The following LEKR1 variants were observed in gnomAD, a reference collection of about 807,000 sequenced individuals.
LEKR1 encodes the protein leucine, glutamate and lysine rich 1, also known as protein LEKR1.
In LEKR1, 59 loss-of-function variants were observed where a neutral mutation model predicts 72.4. That is an observed-to-expected ratio of 0.82 (90% CI 0.66 to 1.01). The LOEUF (loss-of-function observed/expected upper bound fraction) is 1.01, where lower values mean the gene tolerates loss of function less well. Among genes scored for constraint, LEKR1 ranks in the 50% least tolerant of loss-of-function variants. The pLI, the probability that LEKR1 is intolerant of heterozygous loss-of-function variation, is 0.00. For missense variants in LEKR1, 728 were observed against 759.2 expected (o/e 0.96, Z 0.48); for synonymous variants, 257 against 263.2 (o/e 0.98, Z 0.23).
intron 3 of LEKR1, among the ~76,000 whole-genome samples, chr3:156,910,309 T>A (rs1041149270): frequency 5.9e-5 from 9 of 152,172 alleles, no homozygotes; most frequent in African/African-American, 2.2e-4. Flanking sequence ...TCTCTAGCAG[T>A]CTCCAGTGGC....
chr3:157,018,393 G>C (rs944989623), intron 10 of LEKR1, among the ~76,000 whole-genome samples: 3 of 152,136 alleles, frequency 2.0e-5, no homozygotes, highest in Admixed American at 6.5e-5. Flanking sequence ...AAGTGCACAT[G>C]AACATCTTAC....
intron 6 of LEKR1, among the ~76,000 whole-genome samples, chr3:156,954,210 G>A (rs1245935617): frequency 1.3e-5 from 2 of 151,798 alleles, no homozygotes; most frequent in Non-Finnish European, 2.9e-5. Context: ...TAATGGGGTT[G>A]TTTGTTTTTT....
chr3:156,927,078 A>G (rs1308342875), intron 4 of LEKR1, among the ~76,000 whole-genome samples: 2 of 151,960 alleles, frequency 1.3e-5, no homozygotes, highest in Non-Finnish European at 2.9e-5. Context: ...TAAGATTGTC[A>G]TTTAGGATCT....
chr3:156,841,832 G>A (rs1183130815), intron 2 of LEKR1, among the ~76,000 whole-genome samples: 1 of 152,150 alleles, frequency 6.6e-6, no homozygotes, highest in East Asian at 1.9e-4. Context: ...AGCTGCGTGT[G>A]TTATTCTATA....
At chr3:156,944,041 T>C (rs1214499187) in intron 6 of LEKR1, among the ~76,000 whole-genome samples, 1 of 151,660 alleles carries the variant, frequency 6.6e-6, no homozygotes, top group African/African-American at 2.4e-5. Flanking sequence ...AAATGCATAA[T>C]TTATCTATTG....
chr3:157,037,535 C>A (rs1735046878), intron 12 of LEKR1, among the ~76,000 whole-genome samples: 1 of 152,038 alleles, frequency 6.6e-6, no homozygotes, highest in Admixed American at 6.6e-5. Context: ...AAAATTAAGA[C>A]AAAGCAGATT....
intron 5 of LEKR1, among the ~76,000 whole-genome samples, chr3:156,930,455 T>G (rs1034980614): frequency 6.6e-6 from 1 of 152,102 alleles, no homozygotes; most frequent in African/African-American, 2.4e-5. Flanking sequence ...GAGAGGTGGA[T>G]AAATGGATTC....
At chr3:156,995,653 A>G (rs138746444) in intron 9 of LEKR1, among the ~76,000 whole-genome samples, 1,742 of 152,210 alleles carry the variant, frequency 0.011, 36 homozygotes, top group African/African-American at 0.04. Context: ...CCAAAATGGC[A>G]AAACCCCATC....
intron 3 of LEKR1, among the ~76,000 whole-genome samples, chr3:156,882,735 A>G (rs1254272409): frequency 6.6e-6 from 1 of 152,236 alleles, no homozygotes; most frequent in Non-Finnish European, 1.5e-5. Flanking sequence ...CAGAATAGCA[A>G]AGACTTGGAA....
intron 3 of LEKR1, among the ~76,000 whole-genome samples, chr3:156,884,574 A>AT (rs1719854602): frequency 1.3e-5 from 2 of 152,166 alleles, no homozygotes; most frequent in East Asian, 3.8e-4. Flanking sequence ...TTGGCTGACA[A>AT]TTATTTGGCT....
rs58950224 is a variant in LEKR1 at position 157,017,948 on chromosome 3, C to CAAAAAAA, written c.1203+6460_1203+6466dup. Among the ~76,000 whole-genome samples, 88 of 82,906 alleles carry CAAAAAAA rather than the reference C, an allele frequency of 1.1e-3. 1 individual carries two copies. The highest frequency in any genetic ancestry group is 3.7e-3 in the African/African-American group (51 of 13,780). 54.4% of individuals were successfully genotyped at this position (82,906 alleles called of 152,430 possible). A position where few individuals can be genotyped will look rare whatever the true frequency, so the allele number is the denominator to read the frequency against. On this transcript the variant is annotated intron_variant, in intron 10 of 12. Transcript: ENST00000356539. ...TGGGCCACAGAGCGAGACTCTGTCT[C>CAAAAAAA]AAAAAAAAAAAAAAAAAAAAAAAAG...
At chr3:156,874,248 TG>T (rs1345064772) in intron 3 of LEKR1, among the ~76,000 whole-genome samples, 1 of 152,154 alleles carries the variant, frequency 6.6e-6, no homozygotes, top group Non-Finnish European at 1.5e-5. Context: ...AATTGTAATT[TG>T]TATCTCAAAT....
Position 156,844,912 on chromosome 3 carries a change from T to TG in LEKR1, c.49-7856_49-7855insG, listed in dbSNP as rs1714400424. Among the ~76,000 whole-genome samples the TG allele has an allele frequency of 2.1e-5, 3 of 143,242 alleles. No individual in the cohort carries two copies. The South Asian group carries it at 6.3e-4, about 30-fold the overall frequency. 94.0% of individuals were successfully genotyped at this position (143,242 alleles called of 152,430 possible). The stretch of plus-strand genomic sequence containing the variant: ...TGTTATATAGTAACTACAGGTTTTT[T>TG]TTTTTTTTTTAAAGACACTACTAAA... On this transcript the variant is annotated intron_variant, in intron 2 of 12. Transcript: ENST00000356539.
intron 6 of LEKR1, among the ~76,000 whole-genome samples, chr3:156,970,948 C>G (rs1445351228): frequency 4.0e-5 from 6 of 151,862 alleles, no homozygotes; most frequent in African/African-American, 1.2e-4. Flanking sequence ...CCATCCCCAT[C>G]AAGCTACCAA....
At chr3:156,933,736 C>T (rs1725455037) in intron 5 of LEKR1, among the ~76,000 whole-genome samples, 1 of 152,024 alleles carries the variant, frequency 6.6e-6, no homozygotes, top group African/African-American at 2.4e-5. Flanking sequence ...ACTTTTAAGC[C>T]AACTATCCAT....
chr3:156,860,655 G>A (rs941558938), intron 3 of LEKR1, among the ~76,000 whole-genome samples: 16 of 152,282 alleles, frequency 1.1e-4, no homozygotes, highest in African/African-American at 3.6e-4. Context: ...AAACAAGGCA[G>A]CTTTTGTTAG....
Position 157,011,337 on chromosome 3 carries a change from C to T in LEKR1, c.1110-76C>T. 3 of 969,526 alleles carry T rather than the reference C, an allele frequency of 3.1e-6. No individual in the cohort carries two copies. The South Asian group carries it at 3.9e-5, about 13-fold the overall frequency. 60.1% of individuals were successfully genotyped at this position (969,526 alleles called of 1,614,324 possible). ...CAGACTAAGTTTTGAAGTAATATCT[C>T]CCGACCCAGGAACTACAACTTAGGA... is the stretch of plus-strand genomic sequence containing the variant. On this transcript the variant is annotated intron_variant, in intron 9 of 12. Transcript: ENST00000356539.
intron 10 of LEKR1, among the ~76,000 whole-genome samples, chr3:157,021,395 G>T (rs1399338445): frequency 6.6e-6 from 1 of 151,932 alleles, no homozygotes; most frequent in Non-Finnish European, 1.5e-5. Flanking sequence ...TTTTCTTCTA[G>T]GGTTTTTATG....
intron 3 of LEKR1, among the ~76,000 whole-genome samples, chr3:156,854,210 C>T (rs1010269380): frequency 9.4e-5 from 12 of 127,216 alleles, no homozygotes; most frequent in African/African-American, 3.6e-4. Flanking sequence ...GTGTCGTGAT[C>T]TCAGCTCACT....
Sources: allele counts gnomAD v4.1 joint callset (sites outside exome capture counted in the v4.1 genomes callset), GRCh38; gene constraint gnomAD v4.1.1; transcripts MANE v1.5; gene names NCBI Gene and HGNC (gene_info 2026-07-23, HGNC 2026-07-21).